Variants in CTNNBL1 observed in about 807,000 individuals in gnomAD.
CTNNBL1 encodes catenin beta like 1.
Under a neutral mutation model 72.7 loss-of-function variants are expected in CTNNBL1, and 31 were observed. The ratio of observed to expected loss-of-function variants is 0.43; its 90% CI spans 0.32 to 0.58. The LOEUF (loss-of-function observed/expected upper bound fraction) is 0.58, where lower values mean the gene tolerates loss of function less well. Among genes scored for constraint, CTNNBL1 ranks in the 20% least tolerant of loss-of-function variants. CTNNBL1 has a pLI of 0.08. For synonymous variants in CTNNBL1, 240 were observed against 267.3 expected (o/e 0.90, Z 1.00); for missense variants, 534 against 725.1 (o/e 0.74, Z 3.03).
At chr20:37,723,512 T>C (rs142309628) in intron 1 of CTNNBL1, among the ~76,000 whole-genome samples, 2,425 of 151,882 alleles carry the variant, frequency 0.016, 29 homozygotes, top group Middle Eastern at 0.034. Context: ...CTTGATATCT[T>C]TTTTTTCCTC....
At chr20:37,760,627 A>G (rs1489711038) in intron 5 of CTNNBL1, among the ~76,000 whole-genome samples, 1 of 152,192 alleles carries the variant, frequency 6.6e-6, no homozygotes, top group Non-Finnish European at 1.5e-5. Context: ...ACCTCTCCAT[A>G]CTGTTTCTTT....
rs144638509 is a variant in CTNNBL1 at position 37,842,378 on chromosome 20, G to T, written c.1351G>T (p.Ala451Ser). The change falls in exon 13 of 16, where the codon GCA becomes TCA. Residue 451 changes from alanine (A) to serine (S), a missense_variant. Ala to Ser is a moderately conservative substitution (Grantham distance 99). Transcript: ENST00000361383. ...GGAGTTGCATTTTAAATATCTGGGT[G>T]CAATGCAGGTGGCGGACAAGAAGAT... ...LMELHFKYLGAMQVADKKIEG... is the reference protein window; with the variant it reads ...LMELHFKYLGSMQVADKKIEG... 6.2e-7 allele frequency: 1 copy of T among 1,613,708 alleles called. No homozygotes were observed. The highest frequency in any genetic ancestry group is 8.5e-7 in the Non-Finnish European group (1 of 1,179,712).
intron 13 of CTNNBL1, among the ~76,000 whole-genome samples, chr20:37,849,800 G>C (rs1290382646): frequency 1.3e-5 from 2 of 152,188 alleles, no homozygotes; most frequent in African/African-American, 4.8e-5. Context: ...TCCTGGCTCT[G>C]ACTCCTACCA....
In CTNNBL1 at chr20:37,864,280, T is replaced by A. The variant is rs572018656; in HGVS notation, c.1603+3936T>A. ...AGCTCATCAGTCTGTCCTCTTTGATTTTAATTTTGTTTTTCAGTTTGGGTT... is the reference window on the plus strand; with the variant it reads ...AGCTCATCAGTCTGTCCTCTTTGATATTAATTTTGTTTTTCAGTTTGGGTT... On this transcript the variant is annotated intron_variant, in intron 15 of 15. Coordinates refer to ENST00000361383, the MANE Select transcript of CTNNBL1 (RefSeq NM_030877.5). Among the ~76,000 whole-genome samples, 9 of 151,776 alleles carry A rather than the reference T, an allele frequency of 5.9e-5. No individual in the cohort carries two copies. In the South Asian group the frequency reaches 1.9e-3, roughly 32 times the overall value.
At chr20:37,774,255 G>C (rs557233621) in intron 7 of CTNNBL1, among the ~76,000 whole-genome samples, 1 of 152,092 alleles carries the variant, frequency 6.6e-6, no homozygotes, top group East Asian at 1.9e-4. Flanking sequence ...CCTGCCAAGA[G>C]GGTGCAGCTA....
In CTNNBL1 at chr20:37,741,270, AGT is replaced by A. The variant is rs562160718; in HGVS notation, c.326+3792_326+3793del. Among the ~76,000 whole-genome samples, 3 of 152,306 alleles carry A rather than the reference AGT, an allele frequency of 2.0e-5. No homozygotes were observed. In the East Asian group the frequency reaches 5.8e-4, roughly 29 times the overall value. ...CTAAAGACAGTTCTCTGCAAATAGT[AGT>A]GTGTGCTTTAAATGAGTAGGCTCAT... On this transcript the variant is annotated intron_variant, in intron 3 of 15. Coordinates refer to ENST00000361383, the MANE Select transcript of CTNNBL1 (RefSeq NM_030877.5).
chr20:37,708,786 G>A (rs1251067742), intron 1 of CTNNBL1, among the ~76,000 whole-genome samples: 1 of 152,060 alleles, frequency 6.6e-6, no homozygotes, highest in East Asian at 1.9e-4. Flanking sequence ...ATGTGCACTG[G>A]CTCTTTGTAC....
At chr20:37,697,485 G>A (rs1296035170) in intron 1 of CTNNBL1, among the ~76,000 whole-genome samples, 2 of 152,206 alleles carry the variant, frequency 1.3e-5, no homozygotes, top group African/African-American at 2.4e-5. Context: ...GAGGATCTAT[G>A]TAGCTGAAAC....
chr20:37,855,815 T>C (rs1260014080), intron 13 of CTNNBL1, among the ~76,000 whole-genome samples: 1 of 152,200 alleles, frequency 6.6e-6, no homozygotes, highest in Non-Finnish European at 1.5e-5. Context: ...CAAGGCACAG[T>C]CCTTCCCCGT....
At chr20:37,861,521 G>A (rs936720634) in intron 15 of CTNNBL1, among the ~76,000 whole-genome samples, 1 of 152,198 alleles carries the variant, frequency 6.6e-6, no homozygotes, top group Non-Finnish European at 1.5e-5. Context: ...TTCACCTCGG[G>A]CCCTCATTCT....
At chr20:37,825,329 G>T (rs1428970536) in intron 11 of CTNNBL1, among the ~76,000 whole-genome samples, 1 of 151,934 alleles carries the variant, frequency 6.6e-6, no homozygotes, top group Non-Finnish European at 1.5e-5. Flanking sequence ...CTCCAGCCTG[G>T]GCGGCAGAAT....
At chr20:37,721,987 T>C (rs572872698) in intron 1 of CTNNBL1, among the ~76,000 whole-genome samples, 1 of 152,312 alleles carries the variant, frequency 6.6e-6, no homozygotes, top group East Asian at 1.9e-4. Flanking sequence ...TGTTTCCCCA[T>C]ATCCTCACCA....
intron 2 of CTNNBL1, among the ~76,000 whole-genome samples, chr20:37,736,709 A>G (rs1269086903): frequency 6.6e-6 from 1 of 151,632 alleles, no homozygotes; most frequent in Non-Finnish European, 1.5e-5. Flanking sequence ...TTTAGTAGAG[A>G]TGGGGTTTTG....
At chr20:37,870,586 C>T (rs941196770) in intron 15 of CTNNBL1, among the ~76,000 whole-genome samples, 3 of 152,200 alleles carry the variant, frequency 2.0e-5, no homozygotes, top group African/African-American at 2.4e-5. Flanking sequence ...GAAGACGTCG[C>T]CTCACCTCCA....
intron 11 of CTNNBL1, among the ~76,000 whole-genome samples, chr20:37,817,369 T>A (rs983216486): frequency 1.3e-5 from 2 of 152,248 alleles, no homozygotes; most frequent in African/African-American, 4.8e-5. Context: ...GTGAACTTTT[T>A]AAAATAACTT....
intron 2 of CTNNBL1, among the ~76,000 whole-genome samples, chr20:37,736,200 T>C (rs372153824): frequency 6.6e-6 from 1 of 152,194 alleles, no homozygotes; most frequent in African/African-American, 2.4e-5. Flanking sequence ...CTTCTCAGCA[T>C]CTAGTAAGTA....
intron 11 of CTNNBL1, among the ~76,000 whole-genome samples, chr20:37,824,901 C>A (rs1025051616): frequency 6.6e-6 from 1 of 152,206 alleles, no homozygotes; most frequent in Admixed American, 6.5e-5. Context: ...CAGAAGGACA[C>A]GTGTCCCCTC....
chr20:37,735,098 C>T (rs2073160648), intron 2 of CTNNBL1, among the ~76,000 whole-genome samples: 2 of 152,308 alleles, frequency 1.3e-5, no homozygotes, highest in Non-Finnish European at 2.9e-5. Flanking sequence ...CTGATAATAA[C>T]CATAACAGCT....
intron 13 of CTNNBL1, among the ~76,000 whole-genome samples, chr20:37,855,244 T>A (rs1967069575): frequency 1.3e-5 from 2 of 151,998 alleles, no homozygotes; most frequent in Non-Finnish European, 2.9e-5. Flanking sequence ...TGGAATGTCC[T>A]TTTCAGCCTG....
Sources: allele counts gnomAD v4.1 joint callset (sites outside exome capture counted in the v4.1 genomes callset), GRCh38; gene constraint gnomAD v4.1.1; transcripts MANE v1.5; gene names NCBI Gene and HGNC (gene_info 2026-07-23, HGNC 2026-07-21).